The following DOCK9 variants were observed in gnomAD, a reference collection of about 807,000 sequenced individuals.
The protein encoded by DOCK9 is dedicator of cytokinesis 9.
A neutral mutation model predicts 263.3 loss-of-function variants in DOCK9; 89 were observed. The ratio of observed to expected loss-of-function variants is 0.34; its 90% CI spans 0.28 to 0.40. The LOEUF (loss-of-function observed/expected upper bound fraction) is 0.40, where lower values mean the gene tolerates loss of function less well. Ranked by LOEUF, DOCK9 falls within the 10% of genes least tolerant of loss-of-function variation. DOCK9 has a pLI of 1.00. For missense variants in DOCK9, 2,140 were observed against 2,603.4 expected, an observed-to-expected ratio of 0.82 and a Z score of 3.87; for synonymous variants, 976 against 973.1, an observed-to-expected ratio of 1.00 and a Z score of -0.06.
At chr13:98,916,924 C>T (rs906767720) in intron 7 of DOCK9, among the ~76,000 whole-genome samples, 3 of 152,142 alleles carry the variant, frequency 2.0e-5, no homozygotes, top group Admixed American at 6.5e-5. Flanking sequence ...CAGCACCAGT[C>T]AACTAATTTT....
chr13:98,893,006 T>C (rs564292915), intron 15 of DOCK9, among the ~76,000 whole-genome samples: 2 of 152,250 alleles, frequency 1.3e-5, no homozygotes, highest in African/African-American at 2.4e-5. Context: ...TAGAGTTCCC[T>C]GAGAAAGACA....
intron 7 of DOCK9, among the ~76,000 whole-genome samples, chr13:98,915,790 C>T (rs1287246310): frequency 2.0e-5 from 3 of 152,160 alleles, no homozygotes; most frequent in Non-Finnish European, 1.5e-5. Flanking sequence ...CTCCTCAGTG[C>T]TCCCATTTTT....
At chr13:99,082,427 G>C (rs1283740711) in intron 1 of DOCK9, among the ~76,000 whole-genome samples, 1 of 148,868 alleles carries the variant, frequency 6.7e-6, no homozygotes, top group South Asian at 2.1e-4. Flanking sequence ...GCTGAGGCAG[G>C]AGAACCACTT....
Position 98,860,374 on chromosome 13 carries a change from G to A in DOCK9, c.3697+31C>T, listed in dbSNP as rs1418070556. The A allele has an allele frequency of 1.9e-6, 3 of 1,557,850 alleles. No individual in the cohort carries two copies. The African/African-American group carries it at 4.1e-5, about 21-fold the overall frequency. On this transcript the variant is annotated intron_variant, in intron 33 of 52. Coordinates refer to ENST00000682017, the MANE Select transcript of DOCK9 (RefSeq NM_001366683.2). ...CCAAGACACTTTCAGAGTGATGGTG[G>A]AGAGAAGCCCACAAGAGCATGGAGC...
intron 45 of DOCK9, among the ~76,000 whole-genome samples, chr13:98,819,118 G>A (rs1222534831): frequency 6.6e-6 from 1 of 152,258 alleles, no homozygotes; most frequent in Admixed American, 6.5e-5. Context: ...ACTTACATCA[G>A]AATAATCACC....
At chr13:98,957,094 T>G (rs1357646618) in intron 1 of DOCK9, among the ~76,000 whole-genome samples, 1 of 152,164 alleles carries the variant, frequency 6.6e-6, no homozygotes, top group Non-Finnish European at 1.5e-5. Context: ...ACAAAAGCCT[T>G]CCACGTGGCC....
rs570300308 is a variant in DOCK9, at chr13:98,885,055, C to T, written c.2298G>A (p.Arg766=). 5 of 1,613,626 alleles carry T rather than the reference C, an allele frequency of 3.1e-6. No homozygotes were observed. The South Asian group carries it at 4.4e-5, about 14-fold the overall frequency. The change falls in exon 21 of 53, where the codon AGG becomes AGA. Residue 766 remains arginine, a synonymous_variant. Coordinates refer to ENST00000682017, the MANE Select transcript of DOCK9 (RefSeq NM_001366683.2). ...YSWLPLLKDG[R]VVTSEQHIPV... ...GGATGTGCTGCTCGCTTGTCACCAC[C>T]CTTCCGTCTTTCAGGAGGGGAAGCC...
chr13:98,906,014 G>T (rs759476599), intron 9 of DOCK9, among the ~76,000 whole-genome samples: 18 of 152,288 alleles, frequency 1.2e-4, no homozygotes, highest in South Asian at 4.2e-4. Flanking sequence ...AGCTTGGGCA[G>T]CCTGCTGAAT....
intron 1 of DOCK9, among the ~76,000 whole-genome samples, chr13:98,974,682 G>A (rs1348327609): frequency 8.3e-5 from 12 of 143,786 alleles, no homozygotes; most frequent in Non-Finnish European, 1.4e-4. Flanking sequence ...CTCAGGAGGC[G>A]GAGGTTACAG....
At chr13:98,977,661 C>T in intron 1 of DOCK9, 123 bp downstream of exon 1, 2 of 829,692 alleles carry the variant, frequency 2.4e-6, no homozygotes, top group East Asian at 2.8e-5. Context: ...GTGGAGTTCA[C>T]AAGGGACAAG....
intron 1 of DOCK9, among the ~76,000 whole-genome samples, chr13:98,993,746 A>G (rs1880363106): frequency 6.6e-6 from 1 of 151,528 alleles, no homozygotes; most frequent in African/African-American, 2.4e-5. Context: ...GTCTCAAAAA[A>G]TAAAAATAAA....
At chr13:99,049,255 C>T (rs2040574902) in intron 1 of DOCK9, among the ~76,000 whole-genome samples, 1 of 152,116 alleles carries the variant, frequency 6.6e-6, no homozygotes, top group Admixed American at 6.5e-5. Context: ...ACCTTATCAC[C>T]CCTCACCTTC....
Position 98,923,382 on chromosome 13 carries a change from A to G in DOCK9, c.417-11T>C. The G allele has an allele frequency of 6.2e-7, 1 of 1,612,824 alleles. No individual in the cohort carries two copies. Among genetic ancestry groups the G allele is most frequent in the Non-Finnish European group, 8.5e-7 (1 of 1,178,868 alleles). ...AACTTGACCACTTTGCTATAAAAACAACAAAGAAAATTTGTTTTAGAAATG... is the reference window on the plus strand; with the variant it reads ...AACTTGACCACTTTGCTATAAAAACGACAAAGAAAATTTGTTTTAGAAATG... On this transcript the variant is annotated splice_polypyrimidine_tract_variant and intron_variant, in intron 4 of 52. Coordinates refer to ENST00000682017, the MANE Select transcript of DOCK9 (RefSeq NM_001366683.2).
chr13:99,031,021 A>G (rs1278135155), intron 1 of DOCK9, among the ~76,000 whole-genome samples: 6 of 152,212 alleles, frequency 3.9e-5, no homozygotes, highest in African/African-American at 1.2e-4. Context: ...TCATATTTTA[A>G]GAAGATTTTT....
At chr13:99,007,470 T>C (rs1883547134) in intron 1 of DOCK9, among the ~76,000 whole-genome samples, 1 of 151,976 alleles carries the variant, frequency 6.6e-6, no homozygotes, top group African/African-American at 2.4e-5. Context: ...ACTAAGGCCA[T>C]GGGAGAAATA....
chr13:99,050,649 C>A (rs994137127), intron 1 of DOCK9, among the ~76,000 whole-genome samples: 2 of 152,108 alleles, frequency 1.3e-5, no homozygotes, highest in Non-Finnish European at 2.9e-5. Context: ...GCTATTGCAC[C>A]ACTCCACTCC....
intron 1 of DOCK9, chr13:99,015,432 CAA>C: frequency 6.4e-7 from 1 of 1,565,780 alleles, no homozygotes; most frequent in African/African-American, 1.4e-5. Context: ...GTTAATTAAG[CAA>C]GATAGCATTT....
chr13:98,835,042 G>C (rs542747325), intron 39 of DOCK9, among the ~76,000 whole-genome samples: 1 of 152,350 alleles, frequency 6.6e-6, no homozygotes, highest in South Asian at 2.1e-4. Flanking sequence ...ACCAGGCAGA[G>C]CTGTTGTGAA....
In DOCK9 at chr13:98,926,482, GA is replaced by G. The variant is rs532033650; in HGVS notation, c.334-564del. ...ACATTTTCATCTGTGTGTGTGTACA[GA>G]ATGTTTAATGTAGTCTTCCACTGCC... On this transcript the variant is annotated intron_variant, in intron 3 of 52. Coordinates refer to ENST00000682017, the MANE Select transcript of DOCK9 (RefSeq NM_001366683.2). 4.4e-3 allele frequency among the ~76,000 whole-genome samples: 664 copies of G among 152,256 alleles called. 5 individuals are homozygous for G. The highest frequency in any genetic ancestry group is 6.2e-3 in the Non-Finnish European group (424 of 68,016).
Sources: gnomAD v4.1 joint callset for allele counts (sites outside exome capture counted in the v4.1 genomes callset) on GRCh38, gnomAD v4.1.1 for gene constraint, MANE v1.5 for transcripts, NCBI Gene and HGNC (gene_info 2026-07-23, HGNC 2026-07-21) for gene names.